The following TAFA5 variants were observed in gnomAD, a reference collection of about 807,000 sequenced individuals.
TAFA5 encodes chemokine-like protein TAFA-5.
TAFA5 carries 6 observed loss-of-function variants against 15.3 expected under a neutral mutation model. That is an observed-to-expected ratio of 0.39 (90% confidence interval 0.21 to 0.77). TAFA5 has a LOEUF of 0.77. Among genes scored for constraint, TAFA5 ranks in the 30% least tolerant of loss-of-function variants. The probability of loss-of-function intolerance (pLI) is 0.41; values close to 1 mark genes in which losing one functional copy is unlikely to be tolerated. For missense variants in TAFA5, 161 were observed against 193.1 expected, an observed-to-expected ratio of 0.83 and a Z score of 0.98; for synonymous variants, 103 against 80.7, an observed-to-expected ratio of 1.28 and a Z score of -1.48.
At chr22:48,534,978 C>T (rs1922103929) in intron 1 of TAFA5, among the ~76,000 whole-genome samples, 1 of 152,104 alleles carries the variant, frequency 6.6e-6, no homozygotes, top group Non-Finnish European at 1.5e-5. Flanking sequence ...CCTAGTTCTA[C>T]TGGCCACTCG....
intron 1 of TAFA5, among the ~76,000 whole-genome samples, chr22:48,508,337 C>G (rs1044485652): frequency 6.6e-6 from 1 of 152,226 alleles, no homozygotes. Context: ...GCTGCCGCCC[C>G]CCCAGAGCTG....
intron 2 of TAFA5, among the ~76,000 whole-genome samples, chr22:48,651,485 T>A (rs1262251058): frequency 6.6e-6 from 1 of 151,984 alleles, no homozygotes; most frequent in Non-Finnish European, 1.5e-5. Context: ...ACCTGGGTCC[T>A]GGGCTGGGAA....
At chr22:48,626,017 G>T (rs1926014501) in intron 1 of TAFA5, among the ~76,000 whole-genome samples, 1 of 152,176 alleles carries the variant, frequency 6.6e-6, no homozygotes, top group Non-Finnish European at 1.5e-5. Context: ...GTCTCTTGTG[G>T]CTTGGCAGCA....
intron 1 of TAFA5, among the ~76,000 whole-genome samples, chr22:48,541,981 G>A (rs1303276936): frequency 1.3e-5 from 2 of 152,226 alleles, no homozygotes; most frequent in East Asian, 3.8e-4. Flanking sequence ...GGAGGCCAGT[G>A]TGCAGGGCCC....
intron 1 of TAFA5, among the ~76,000 whole-genome samples, chr22:48,579,362 A>G (rs1389193554): frequency 6.6e-6 from 1 of 152,094 alleles, no homozygotes; most frequent in East Asian, 1.9e-4. Flanking sequence ...TTGCCTTGTC[A>G]TCCTTAGGAC....
intron 2 of TAFA5, among the ~76,000 whole-genome samples, chr22:48,701,203 C>T (rs1385629583): frequency 6.6e-6 from 1 of 152,146 alleles, no homozygotes; most frequent in African/African-American, 2.4e-5. Flanking sequence ...GGGTAGAGGC[C>T]CCTGTCTGCA....
At chr22:48,532,895 A>T (rs2147113768) in intron 1 of TAFA5, among the ~76,000 whole-genome samples, 1 of 152,268 alleles carries the variant, frequency 6.6e-6, no homozygotes, top group South Asian at 2.1e-4. Flanking sequence ...CAACAGGGAG[A>T]TCATATCTTC....
rs1390477519 is a variant in TAFA5, at chr22:48,490,656, C to T, written c.112+952C>T. Among the ~76,000 whole-genome samples, 2 of 151,692 alleles carry T rather than the reference C, an allele frequency of 1.3e-5. No individual in the cohort carries two copies. The highest frequency in any genetic ancestry group is 4.8e-5 in the African/African-American group (2 of 41,268). ...GCCCCAGATGGCGCGGGCTGGTCGG[C>T]TTCAGCTCCGGGAGCTCCGGGCTTC... is the stretch of plus-strand genomic sequence containing the variant. On this transcript the variant is annotated intron_variant, in intron 1 of 3. Transcript: ENST00000402357. The surrounding 1 kb of genome is among the most constrained non-coding windows in gnomAD (Gnocchi z 5.8).
chr22:48,617,923 T>C (rs576305435), intron 1 of TAFA5, among the ~76,000 whole-genome samples: 1 of 152,152 alleles, frequency 6.6e-6, no homozygotes, highest in Non-Finnish European at 1.5e-5. Flanking sequence ...AGCACTCTGT[T>C]CATGGTAACC....
chr22:48,646,165 C>T (rs1296351326), intron 1 of TAFA5, among the ~76,000 whole-genome samples: 3 of 152,152 alleles, frequency 2.0e-5, no homozygotes, highest in Non-Finnish European at 2.9e-5. Flanking sequence ...AAGTGCCACA[C>T]CCTGGGGCCA....
chr22:48,516,247 C>T (rs553226406), intron 1 of TAFA5, among the ~76,000 whole-genome samples: 24 of 152,266 alleles, frequency 1.6e-4, no homozygotes, highest in African/African-American at 4.3e-4. Flanking sequence ...TTAGGTGGAA[C>T]GGCATATGCT....
intron 1 of TAFA5, among the ~76,000 whole-genome samples, chr22:48,605,249 GTGATGAGGGTGATGGTGAGGA>G (rs1925129230): frequency 1.9e-5 from 1 of 53,154 alleles, no homozygotes. Context: ...GGTGATGATG[GTGATGAGGGTGATGGTGAGGA>G]TGATGGTGAT....
intron 1 of TAFA5, among the ~76,000 whole-genome samples, chr22:48,573,679 G>A (rs1189057681): frequency 6.6e-6 from 1 of 152,234 alleles, no homozygotes; most frequent in Non-Finnish European, 1.5e-5. Context: ...AGGTCCTCCT[G>A]TCCCACCTGT....
chr22:48,702,798 C>T (rs932607975), intron 2 of TAFA5, among the ~76,000 whole-genome samples: 1 of 152,236 alleles, frequency 6.6e-6, no homozygotes, highest in Non-Finnish European at 1.5e-5. Flanking sequence ...GCTTGAAAGG[C>T]CCCTTTGTCC....
At position 48,704,971 on chromosome 22, in the gene TAFA5, GAGAGAGAGAGAGAC is replaced by G. The variant is rs202099599; in HGVS notation, c.263-2740_263-2727del. ...AGATGGTGCAGGGGGCTGGGGAGGG[GAGAGAGAGAGAGAC>G]AGAGAAAGAGAGACAGCGAGCACAC... On this transcript the variant is annotated intron_variant, in intron 2 of 3. Coordinates refer to ENST00000402357, the MANE Select transcript of TAFA5 (RefSeq NM_001082967.3). Among the ~76,000 whole-genome samples, 1,330 of 151,666 alleles carry G rather than the reference GAGAGAGAGAGAGAC, an allele frequency of 8.8e-3. 8 individuals carry two copies. The highest frequency in any genetic ancestry group is 0.024 in the Middle Eastern group (7 of 294).
chr22:48,626,876 T>C (rs1926042029), intron 1 of TAFA5, among the ~76,000 whole-genome samples: 1 of 152,208 alleles, frequency 6.6e-6, no homozygotes, highest in South Asian at 2.1e-4. Flanking sequence ...AAGTGTGAGG[T>C]TGGCGTTTAG....
chr22:48,581,282 G>A (rs1281566624), intron 1 of TAFA5, among the ~76,000 whole-genome samples: 1 of 151,964 alleles, frequency 6.6e-6, no homozygotes, highest in African/African-American at 2.4e-5. Flanking sequence ...AGGCCTCCCT[G>A]CAAGGGCCGA....
intron 1 of TAFA5, among the ~76,000 whole-genome samples, chr22:48,533,609 C>T (rs1324539350): frequency 3.9e-5 from 6 of 152,256 alleles, no homozygotes; most frequent in Admixed American, 2.6e-4. Context: ...GTGAGGCCCT[C>T]GGGAGATGGC....
chr22:48,746,489 G>A (rs774042034), intron 3 of TAFA5, among the ~76,000 whole-genome samples: 10 of 152,034 alleles, frequency 6.6e-5, no homozygotes, highest in Non-Finnish European at 1.2e-4. Flanking sequence ...GCCAGACCCC[G>A]TCTTGTTAAA....
Sources: allele counts gnomAD v4.1 joint callset (sites outside exome capture counted in the v4.1 genomes callset), GRCh38; gene constraint gnomAD v4.1.1; non-coding constraint Gnocchi (gnomAD v3.1); transcripts MANE v1.5; gene names NCBI Gene and HGNC (gene_info 2026-07-23, HGNC 2026-07-21).